SLC7A5: variants seen among roughly 807,000 people sequenced by gnomAD.
SLC7A5 encodes solute carrier family 7 member 5, also known as large neutral amino acids transporter small subunit 1.
Under a neutral mutation model 50.2 loss-of-function variants are expected in SLC7A5, and 23 were observed. The observed-to-expected ratio is 0.46, with a 90% CI of 0.33 to 0.65. The LOEUF (loss-of-function observed/expected upper bound fraction) is 0.65. Among genes scored for constraint, SLC7A5 ranks in the 30% least tolerant of loss-of-function variants. The pLI, the probability that SLC7A5 is intolerant of heterozygous loss-of-function variation, is 0.02. For missense variants in SLC7A5, 578 were observed against 684.4 expected (o/e 0.84, Z 1.73); for synonymous variants, 393 against 330.6 (o/e 1.19, Z -2.05).
At position 87,830,980 on chromosome 16, in the gene SLC7A5, T is replaced by C. The variant is rs2054928603; in HGVS notation, c.*1990A>G. 1.3e-5 allele frequency: 2 copies of C among 152,186 alleles called. No homozygotes were observed. Among genetic ancestry groups the C allele is most frequent in the Admixed American group, 6.5e-5 (1 of 15,280 alleles). The allele number at this position is 152,186 out of a possible 1,614,324, so 9.4% of individuals were successfully genotyped here. A position where few individuals can be genotyped will look rare whatever the true frequency, so the allele number is the denominator to read the frequency against. On this transcript the variant is annotated 3_prime_UTR_variant, in exon 10 of 10. Transcript: ENST00000261622. ...CCCCGCCGGCCCCAGTGGGAAGCAG[T>C]GGTGCGTGCCTCCAGGGAGCACTTC...
intron 7 of SLC7A5, chr16:87,837,626 G>T: frequency 1.8e-6 from 1 of 554,748 alleles, no homozygotes. Context: ...ATTTCCGATG[G>T]TCTGAATCGT....
In SLC7A5 at chr16:87,836,480, G is replaced by A. The variant is rs374266851; in HGVS notation, c.1290+18C>T. The A allele has an allele frequency of 4.0e-5, 65 of 1,606,998 alleles. No homozygotes were observed. Among genetic ancestry groups the A allele is most frequent in the African/African-American group, 6.7e-5 (5 of 74,948 alleles). On this transcript the variant is annotated intron_variant, in intron 8 of 9. Transcript: ENST00000261622. ...CTCTGTGAAGGGTGCCTGGGTGAGC[G>A]GGAGGCCCCGGGCTCACCTTGATGG...
At chr16:87,840,141 C>T (rs368667005) in intron 4 of SLC7A5, among the ~76,000 whole-genome samples, 3 of 152,362 alleles carry the variant, frequency 2.0e-5, no homozygotes, top group Non-Finnish European at 4.4e-5. Flanking sequence ...TAAGGCTCTG[C>T]CCACGAGCTG....
rs1433653122 is a variant in SLC7A5, at chr16:87,841,076, G to A, written c.744C>T (p.Tyr248=). 2.5e-6 allele frequency: 4 copies of A among 1,613,676 alleles called. No homozygotes were observed. The highest frequency in any genetic ancestry group is 1.7e-5 in the Admixed American group (1 of 60,004). ...ATCCTCCATAGGCAAAGAGGCCGCT[G>A]TATAATGCCAGCACAATGTTCCCCA... The part of the protein sequence containing the change: ...LDVGNIVLAL[Y]SGLFAYGGWN... Residue 248 remains tyrosine (Y), a synonymous_variant, in exon 3 of 10, where the codon TAC becomes TAT. Coordinates refer to ENST00000261622, the MANE Select transcript of SLC7A5 (RefSeq NM_003486.7). This position sits in a 1 kb window ranked among gnomAD's most constrained non-coding sequence, Gnocchi z 4.8.
chr16:87,857,470 A>T (rs1203217907), intron 1 of SLC7A5, among the ~76,000 whole-genome samples: 2 of 152,226 alleles, frequency 1.3e-5, no homozygotes, highest in Non-Finnish European at 2.9e-5. Flanking sequence ...TTTAGTAGAG[A>T]CAAGCGTTCA....
chr16:87,851,889 C>T, intron 1 of SLC7A5, 40 bp from the exon 2 acceptor site: 1 of 1,611,250 alleles, frequency 6.2e-7, no homozygotes, highest in Non-Finnish European at 8.5e-7. Context: ...CACGGGCAGA[C>T]AGACGCCAGC....
chr16:87,842,648 G>C (rs886286207), intron 2 of SLC7A5, among the ~76,000 whole-genome samples: 2 of 152,164 alleles, frequency 1.3e-5, no homozygotes, highest in African/African-American at 4.8e-5. Flanking sequence ...TGGGGCCTTT[G>C]ATCTTCAGCC....
At position 87,838,785 on chromosome 16, in the gene SLC7A5, G is replaced by C. The variant is rs775606004; in HGVS notation, c.972C>G (p.Ser324=). 2.5e-6 allele frequency: 4 copies of C among 1,614,052 alleles called. No homozygotes were observed. The East Asian group carries it at 8.9e-5, about 36-fold the overall frequency. Residue 324 remains serine (S), a synonymous_variant, in exon 6 of 10, where the codon TCC becomes TCG. Transcript: ENST00000261622. ...DFGNYHLGVM[S]WIIPVFVGLS... is the part of the protein sequence containing the mutation. ...GGCCCACGAAGACGGGGATGATCCA[G>C]GACATGACGCCCAGGTGATAGTTCC...
chr16:87,854,064 A>ACCCCCCCCCCCCCCCCCCC (rs1466941041), intron 1 of SLC7A5: 1 of 46,952 alleles, frequency 2.1e-5, no homozygotes, highest in Non-Finnish European at 4.1e-5. Flanking sequence ...AGAGGCCAGG[A>ACCCCCCCCCCCCCCCCCCC]CCCCCCCGCC....
chr16:87,849,681 G>A (rs1292056334), intron 2 of SLC7A5, among the ~76,000 whole-genome samples: 1 of 152,134 alleles, frequency 6.6e-6, no homozygotes, highest in Non-Finnish European at 1.5e-5. Flanking sequence ...CAACTTCTGA[G>A]TGCCCGGGAG....
chr16:87,851,513 G>C (rs945058248), intron 2 of SLC7A5, among the ~76,000 whole-genome samples: 1 of 152,212 alleles, frequency 6.6e-6, no homozygotes, highest in African/African-American at 2.4e-5. Context: ...CCTCCCAGTG[G>C]TGGCCACGCT....
At chr16:87,856,709 G>A (rs921296206) in intron 1 of SLC7A5, among the ~76,000 whole-genome samples, 4 of 152,230 alleles carry the variant, frequency 2.6e-5, no homozygotes, top group Admixed American at 6.5e-5. Context: ...TGGGGCTTTA[G>A]TAGAACCAGT....
At chr16:87,851,278 C>G (rs1286979529) in intron 2 of SLC7A5, among the ~76,000 whole-genome samples, 2 of 152,244 alleles carry the variant, frequency 1.3e-5, no homozygotes, top group African/African-American at 4.8e-5. Context: ...TGAATCACAG[C>G]ATGACCAGGA....
At chr16:87,838,023 G>A (rs1246181449) in intron 6 of SLC7A5, 82 bp from the exon 7 acceptor site, 7 of 1,113,834 alleles carry the variant, frequency 6.3e-6, no homozygotes, top group African/African-American at 6.2e-5. Context: ...CTGGGGAGTG[G>A]CAGGGCCTGT....
At chr16:87,854,212 G>A (rs1208451842) in intron 1 of SLC7A5, among the ~76,000 whole-genome samples, 1 of 152,040 alleles carries the variant, frequency 6.6e-6, no homozygotes. Flanking sequence ...AATAACCACA[G>A]GACAGACAGG....
At chr16:87,840,285 C>T (rs2055066364) in intron 4 of SLC7A5, 144 bp downstream of exon 4, 2 of 761,208 alleles carry the variant, frequency 2.6e-6, no homozygotes, top group Admixed American at 2.1e-5. Flanking sequence ...ACCCGCCCCA[C>T]ATCCTGCTGG....
intron 2 of SLC7A5, among the ~76,000 whole-genome samples, chr16:87,845,242 A>C (rs891013103): frequency 1.3e-5 from 2 of 152,204 alleles, no homozygotes; most frequent in African/African-American, 4.8e-5. Context: ...GCTGCAGCTC[A>C]CACCCCACTT....
chr16:87,850,273 C>G (rs2055203658), intron 2 of SLC7A5, among the ~76,000 whole-genome samples: 2 of 152,218 alleles, frequency 1.3e-5, no homozygotes, highest in Admixed American at 1.3e-4. Flanking sequence ...GCCTCCCAGC[C>G]CTGAGGCAGG....
In SLC7A5 at chr16:87,852,945, C is replaced by A. The variant is rs1215031563; in HGVS notation, c.539-1096G>T. Among the ~76,000 whole-genome samples the A allele has an allele frequency of 6.6e-6, 1 of 152,198 alleles. No individual in the cohort carries two copies. Among genetic ancestry groups the A allele is most frequent in the East Asian group, 1.9e-4 (1 of 5,190 alleles). ...CCTCTGCTCACGAGGTTATCTGTCG[C>A]TGTCAGCAGCTTGAAATCTGCCAGT... On this transcript the variant is annotated intron_variant, in intron 1 of 9. Transcript: ENST00000261622. The surrounding 1 kb of genome is among the most constrained non-coding windows in gnomAD (Gnocchi z 4.5).
Sources: gnomAD v4.1 joint callset for allele counts (sites outside exome capture counted in the v4.1 genomes callset) on GRCh38, gnomAD v4.1.1 for gene constraint, Gnocchi (gnomAD v3.1) non-coding constraint, MANE v1.5 for transcripts, NCBI Gene and HGNC (gene_info 2026-07-23, HGNC 2026-07-21) for gene names.